The following SHANK2 variants were observed in gnomAD, a reference collection of about 807,000 sequenced individuals.
The protein encoded by SHANK2 is SH3 and multiple ankyrin repeat domains 2.
A neutral mutation model predicts 133.7 loss-of-function variants in SHANK2; 43 were observed. That is an observed-to-expected ratio of 0.32 (90% CI 0.25 to 0.41). The LOEUF (loss-of-function observed/expected upper bound fraction) is 0.41, where lower values mean the gene tolerates loss of function less well. Ranked by LOEUF, SHANK2 falls within the 10% of genes least tolerant of loss-of-function variation. The pLI is 1.00. For missense variants in SHANK2, 1,994 were observed against 2,235.8 expected (o/e 0.89, Z 2.18); for synonymous variants, 1,017 against 952.8 (o/e 1.07, Z -1.24).
intron 11 of SHANK2, chr11:70,826,746 TCAA>T: frequency 3.2e-6 from 1 of 311,632 alleles, no homozygotes; most frequent in Non-Finnish European, 6.4e-6. Context: ...CGGGCTGCTC[TCAA>T]ACCCGGCTAC....
At chr11:70,857,845 A>C (rs1284887985) in intron 11 of SHANK2, among the ~76,000 whole-genome samples, 25 of 152,184 alleles carry the variant, frequency 1.6e-4, no homozygotes, top group Admixed American at 1.6e-3. Context: ...CACTTCCATG[A>C]GTCACACACC....
intron 2 of SHANK2, among the ~76,000 whole-genome samples, chr11:71,189,989 A>C (rs1239322738): frequency 6.6e-6 from 1 of 152,268 alleles, no homozygotes; most frequent in Non-Finnish European, 1.5e-5. Flanking sequence ...CCAAGCGTCC[A>C]GTAGCATGGT....
At chr11:70,674,059 C>T (rs1182800621) in intron 15 of SHANK2, among the ~76,000 whole-genome samples, 2 of 152,158 alleles carry the variant, frequency 1.3e-5, no homozygotes, top group African/African-American at 2.4e-5. Context: ...AGTTCTTACT[C>T]CTAGTTCCCA....
intron 10 of SHANK2, chr11:70,952,632 T>C (rs1020288971): frequency 4.4e-5 from 11 of 251,986 alleles, no homozygotes; most frequent in African/African-American, 2.5e-4. Flanking sequence ...GTGGCTTTCG[T>C]TGGTGGCAAA....
chr11:70,641,530 G>A (rs2061182551), intron 17 of SHANK2, among the ~76,000 whole-genome samples: 1 of 152,046 alleles, frequency 6.6e-6, no homozygotes, highest in Admixed American at 6.6e-5. Context: ...CCCCTGCAGG[G>A]AGGAATGACC....
chr11:71,083,468 C>T (rs1036674986), intron 8 of SHANK2, among the ~76,000 whole-genome samples: 1 of 152,174 alleles, frequency 6.6e-6, no homozygotes, highest in Non-Finnish European at 1.5e-5. Flanking sequence ...GATTAGCACA[C>T]AAGCTCAGAG....
Position 70,748,207 on chromosome 11 carries a change from C to T in SHANK2, c.1778-49444G>A, listed in dbSNP as rs190737822. ...TCCTGTTCCCAGGAATTCTGAGCTG[C>T]TCCCAGGATACCCACCACAGACAAA... On this transcript the variant is annotated intron_variant, in intron 14 of 25. Coordinates refer to ENST00000601538, the MANE Select transcript of SHANK2 (RefSeq NM_012309.5). 3.3e-5 allele frequency among the ~76,000 whole-genome samples: 5 copies of T among 152,310 alleles called. No homozygotes were observed. In the East Asian group the frequency reaches 9.7e-4, roughly 29 times the overall value.
At chr11:70,533,258 G>A (rs1425278616) in intron 17 of SHANK2, among the ~76,000 whole-genome samples, 1 of 152,120 alleles carries the variant, frequency 6.6e-6, no homozygotes, top group African/African-American at 2.4e-5. Flanking sequence ...TACATTTTTA[G>A]ACTTTTATTT....
At chr11:70,681,754 G>C (rs1200370899) in intron 15 of SHANK2, among the ~76,000 whole-genome samples, 4 of 152,080 alleles carry the variant, frequency 2.6e-5, no homozygotes, top group Non-Finnish European at 5.9e-5. Flanking sequence ...GGAGTGACTG[G>C]GGTGGGAGCA....
At chr11:70,546,395 AGCCTCCGC>A (rs1554976441) in intron 17 of SHANK2, among the ~76,000 whole-genome samples, 7 of 152,250 alleles carry the variant, frequency 4.6e-5, no homozygotes, top group African/African-American at 1.7e-4. Flanking sequence ...GAAGCTATCT[AGCCTCCGC>A]CTCCCCTAAG....
intron 11 of SHANK2, among the ~76,000 whole-genome samples, chr11:70,866,572 CA>C (rs1949362195): frequency 6.6e-6 from 1 of 152,150 alleles, no homozygotes; most frequent in Non-Finnish European, 1.5e-5. Flanking sequence ...GTAACTCTAG[CA>C]CCAAGGGTTC....
chr11:70,577,007 G>A (rs1213561243), intron 17 of SHANK2, among the ~76,000 whole-genome samples: 1 of 152,158 alleles, frequency 6.6e-6, no homozygotes, highest in African/African-American at 2.4e-5. Context: ...GGGAGCCCAG[G>A]AGAGCGCCCG....
At chr11:70,736,062 C>T (rs1946397779) in intron 14 of SHANK2, among the ~76,000 whole-genome samples, 2 of 151,340 alleles carry the variant, frequency 1.3e-5, no homozygotes, top group South Asian at 2.1e-4. Context: ...GATGGGCAAA[C>T]TAGATCCAAG....
chr11:70,740,672 G>A (rs1946504645), intron 14 of SHANK2, among the ~76,000 whole-genome samples: 1 of 152,136 alleles, frequency 6.6e-6, no homozygotes, highest in Admixed American at 6.5e-5. Flanking sequence ...TGATTACCCG[G>A]GGTCTTTTGT....
At chr11:70,503,019 C>T (rs782093155) in intron 17 of SHANK2, 88 bp from the exon 18 acceptor site, 10 of 1,473,828 alleles carry the variant, frequency 6.8e-6, no homozygotes, top group South Asian at 3.4e-5. Flanking sequence ...CATGTGGGCT[C>T]CTAAAAAGGG....
chr11:70,558,984 G>A (rs2059870521), intron 17 of SHANK2, among the ~76,000 whole-genome samples: 2 of 152,120 alleles, frequency 1.3e-5, no homozygotes, highest in Admixed American at 6.6e-5. Context: ...TCCTCATTTC[G>A]GAGACTCTTA....
At position 70,563,345 on chromosome 11, in the gene SHANK2, C is replaced by T. The variant is rs1340791489; in HGVS notation, c.2062-60414G>A. The stretch of plus-strand genomic sequence containing the variant: ...CAATACAAGAACTTACAACAGTACA[C>T]TTCCACTCTTCCCCTCCTAGACTTT... On this transcript the variant is annotated intron_variant, in intron 17 of 25. Coordinates refer to ENST00000601538, the MANE Select transcript of SHANK2 (RefSeq NM_012309.5). Among the ~76,000 whole-genome samples the T allele has an allele frequency of 2.0e-4, 31 of 152,180 alleles. 1 individual carries two copies. Among genetic ancestry groups the T allele is most frequent in the Admixed American group, 2.0e-3 (30 of 15,282 alleles).
intron 3 of SHANK2, among the ~76,000 whole-genome samples, chr11:71,133,474 A>C (rs1952372616): frequency 6.7e-6 from 1 of 149,734 alleles, no homozygotes; most frequent in African/African-American, 2.5e-5. Flanking sequence ...GGAGGGAGAG[A>C]GAGACAGAGG....
chr11:70,628,048 C>A (rs1304993763), intron 17 of SHANK2, among the ~76,000 whole-genome samples: 2 of 152,212 alleles, frequency 1.3e-5, no homozygotes, highest in Admixed American at 6.5e-5. Context: ...AAATAGCGGC[C>A]TTCCAGCTTC....
Sources: gnomAD v4.1 joint callset for allele counts (sites outside exome capture counted in the v4.1 genomes callset) on GRCh38, gnomAD v4.1.1 for gene constraint, MANE v1.5 for transcripts, NCBI Gene and HGNC (gene_info 2026-07-23, HGNC 2026-07-21) for gene names.